Variants in ICA1L observed in about 807,000 individuals in gnomAD.
The protein encoded by ICA1L is islet cell autoantigen 1 like, also known as islet cell autoantigen 1-like protein.
ICA1L carries 50 observed loss-of-function variants against 61.3 expected under a neutral mutation model. The ratio of observed to expected loss-of-function variants is 0.82; its 90% CI spans 0.65 to 1.03. ICA1L has a LOEUF of 1.03. Ranked by LOEUF, ICA1L falls within the 50% of genes least tolerant of loss-of-function variation. ICA1L has a pLI of 0.00. For missense variants in ICA1L, 508 were observed against 556.7 expected (o/e 0.91, Z 0.88); for synonymous variants, 161 against 191.3 (o/e 0.84, Z 1.31).
chr2:202,829,501 A>G (rs1477578952), intron 1 of ICA1L, among the ~76,000 whole-genome samples: 2 of 152,114 alleles, frequency 1.3e-5, no homozygotes, highest in Non-Finnish European at 2.9e-5. Context: ...CTCATGCTGG[A>G]GTGTAGTGGT....
chr2:202,825,574 A>T, intron 3 of ICA1L, 121 bp downstream of exon 3: 1 of 1,336,482 alleles, frequency 7.5e-7, no homozygotes, highest in Non-Finnish European at 9.6e-7. Flanking sequence ...AACTGTAAAT[A>T]TTCATATTTT....
chr2:202,774,477 G>A lies in ICA1L; in HGVS notation c.*5056C>T, dbSNP rs1692156932. On this transcript the variant is annotated 3_prime_UTR_variant, in exon 13 of 13. Transcript: ENST00000358299. ...AACAACTTTTTCTTTCATGTTTTTT[G>A]TATGTGTTTTTTTAGGTTATGGTCA... 6.2e-6 allele frequency: 3 copies of A among 481,500 alleles called. No individual in the cohort carries two copies. Among genetic ancestry groups the A allele is most frequent in the Admixed American group, 8.9e-5 (2 of 22,570 alleles). The allele number at this position is 481,500 out of a possible 1,614,324, so 29.8% of individuals were successfully genotyped here.
intron 1 of ICA1L, among the ~76,000 whole-genome samples, chr2:202,868,184 A>G (rs974345185): frequency 3.3e-5 from 5 of 152,218 alleles, no homozygotes; most frequent in African/African-American, 1.2e-4. Context: ...AAGAAAAAAA[A>G]AGGCTAATTG....
intron 1 of ICA1L, among the ~76,000 whole-genome samples, chr2:202,866,749 C>T (rs1348719145): frequency 2.6e-5 from 4 of 152,102 alleles, no homozygotes; most frequent in Admixed American, 6.6e-5. Context: ...AGTTCGAGAC[C>T]AGTCTGGCCA....
chr2:202,773,853 T>C lies in ICA1L; in HGVS notation c.*5680A>G, dbSNP rs1692130470. 7.5e-7 allele frequency: 1 copy of C among 1,341,168 alleles called. No homozygotes were observed. Among genetic ancestry groups the C allele is most frequent in the African/African-American group, 1.4e-5 (1 of 69,464 alleles). 83.1% of individuals were successfully genotyped at this position (1,341,168 alleles called of 1,614,324 possible). On this transcript the variant is annotated 3_prime_UTR_variant, in exon 13 of 13. Transcript: ENST00000358299. ...GCAAGTGCAGCCCTGTGGGAAGTTT[T>C]CTTCTACAGAGGCTGAGTGGAACAG...
chr2:202,781,820 T>C (rs1287149160), intron 12 of ICA1L, among the ~76,000 whole-genome samples: 1 of 152,164 alleles, frequency 6.6e-6, no homozygotes, highest in Non-Finnish European at 1.5e-5. Context: ...GTATGTTAAA[T>C]TTTAGTAGAA....
intron 1 of ICA1L, among the ~76,000 whole-genome samples, chr2:202,843,143 G>C (rs934736959): frequency 6.6e-6 from 1 of 151,950 alleles, no homozygotes; most frequent in African/African-American, 2.4e-5. Context: ...CATTTCTTTG[G>C]GGTCAGCTAC....
intron 3 of ICA1L, among the ~76,000 whole-genome samples, chr2:202,825,139 AAG>A (rs1434809027): frequency 3.9e-5 from 6 of 152,188 alleles, no homozygotes; most frequent in African/African-American, 1.4e-4. Flanking sequence ...GGAGTCAAGA[AAG>A]AGAGGTTTAA....
chr2:202,861,105 C>A (rs531821914), intron 1 of ICA1L, among the ~76,000 whole-genome samples: 63 of 152,236 alleles, frequency 4.1e-4, no homozygotes, highest in South Asian at 3.3e-3. Flanking sequence ...TGGCGGGTGC[C>A]TGTAATCCCA....
intron 12 of ICA1L, among the ~76,000 whole-genome samples, chr2:202,781,237 T>C (rs1209462282): frequency 1.3e-5 from 2 of 152,098 alleles, no homozygotes; most frequent in African/African-American, 4.8e-5. Context: ...TTAAACATAA[T>C]GTTCATAAAG....
intron 1 of ICA1L, among the ~76,000 whole-genome samples, chr2:202,865,358 A>G (rs536479056): frequency 2.6e-5 from 4 of 151,570 alleles, no homozygotes; most frequent in African/African-American, 9.7e-5. Context: ...AATCCCAGCT[A>G]CTCAGGAGGC....
chr2:202,813,353 CA>C (rs1274118362), intron 8 of ICA1L, among the ~76,000 whole-genome samples: 3 of 151,288 alleles, frequency 2.0e-5, no homozygotes, highest in African/African-American at 7.3e-5. Flanking sequence ...TTCAAGTTAG[CA>C]AAAAAAATTG....
chr2:202,832,751 C>T (rs1694047629), intron 1 of ICA1L, among the ~76,000 whole-genome samples: 1 of 151,964 alleles, frequency 6.6e-6, no homozygotes, highest in South Asian at 2.1e-4. Context: ...TGCACTCCTG[C>T]CTGGGTGACA....
At chr2:202,799,409 G>C (rs1693028736) in intron 9 of ICA1L, among the ~76,000 whole-genome samples, 1 of 151,978 alleles carries the variant, frequency 6.6e-6, no homozygotes, top group Admixed American at 6.6e-5. Context: ...ATTGACCATT[G>C]GTATGTCTTC....
In ICA1L at chr2:202,794,522, T is replaced by C. The variant is rs572735581; in HGVS notation, c.985+2368A>G. On this transcript the variant is annotated intron_variant, in intron 10 of 12. Transcript: ENST00000358299. ...AGGAAACGTTCACTACTAGTTAACA[T>C]TGTTCTGAAGGTAGTAGCCAATGTA... Among the ~76,000 whole-genome samples the C allele has an allele frequency of 9.9e-5, 15 of 152,262 alleles. No individual in the cohort carries two copies. The South Asian group carries it at 2.9e-3, about 29-fold the overall frequency.
intron 1 of ICA1L, among the ~76,000 whole-genome samples, chr2:202,842,098 G>A (rs762957621): frequency 1.3e-5 from 2 of 151,902 alleles, no homozygotes; most frequent in Non-Finnish European, 2.9e-5. Context: ...CAGGTGATCT[G>A]CCTGCCTCAG....
chr2:202,827,115 TG>T (rs1224539157), intron 2 of ICA1L, among the ~76,000 whole-genome samples: 2 of 152,146 alleles, frequency 1.3e-5, no homozygotes, highest in Admixed American at 1.3e-4. Context: ...TGCAAAAGGC[TG>T]GGCGCGGTGG....
chr2:202,862,272 C>CAAAAAAAAAAAAAAAAAAAA (rs778355110), intron 1 of ICA1L, among the ~76,000 whole-genome samples: 1 of 62,978 alleles, frequency 1.6e-5, no homozygotes, highest in Non-Finnish European at 2.6e-5. Context: ...CTCATTTCTA[C>CAAAAAAAAAAAAAAAAAAAA]AAAAAAAAAA....
intron 12 of ICA1L, among the ~76,000 whole-genome samples, chr2:202,781,264 C>G (rs971452563): frequency 6.6e-6 from 1 of 152,030 alleles, no homozygotes; most frequent in African/African-American, 2.4e-5. Context: ...CATTCATCAA[C>G]AATATCAGAA....
Sources: allele counts gnomAD v4.1 joint callset (sites outside exome capture counted in the v4.1 genomes callset), GRCh38; gene constraint gnomAD v4.1.1; transcripts MANE v1.5; gene names NCBI Gene and HGNC (gene_info 2026-07-23, HGNC 2026-07-21).